Variants in SRGAP3 observed in about 807,000 individuals in gnomAD.
The protein encoded by SRGAP3 is SLIT-ROBO Rho GTPase-activating protein 3.
In SRGAP3, 39 loss-of-function variants were observed where a neutral mutation model predicts 121.1. The ratio of observed to expected loss-of-function variants is 0.32; its 90% confidence interval spans 0.25 to 0.42. SRGAP3 has a LOEUF of 0.42. Among genes scored for constraint, SRGAP3 ranks in the 10% least tolerant of loss-of-function variants. The pLI, the probability that SRGAP3 is intolerant of heterozygous loss-of-function variation, is 1.00. For synonymous variants in SRGAP3, 601 were observed against 570.0 expected, an observed-to-expected ratio of 1.05 and a Z score of -0.77; for missense variants, 1,213 against 1,470.6, an observed-to-expected ratio of 0.82 and a Z score of 2.86.
At chr3:9,260,280 T>C (rs1044545760) in intron 3 of SRGAP3, among the ~76,000 whole-genome samples, 2 of 151,942 alleles carry the variant, frequency 1.3e-5, no homozygotes, top group Non-Finnish European at 2.9e-5. Flanking sequence ...CAGTGGTGCC[T>C]GGAATGCCAG....
intron 11 of SRGAP3, chr3:9,033,437 T>C (rs1393520046): frequency 6.6e-6 from 1 of 152,344 alleles, no homozygotes; most frequent in Non-Finnish European, 1.5e-5. Context: ...TTTTCCTTTT[T>C]CTTTGAGACG....
At chr3:9,228,462 G>A (rs1167863493) in intron 1 of SRGAP3, among the ~76,000 whole-genome samples, 1 of 152,342 alleles carries the variant, frequency 6.6e-6, no homozygotes, top group Non-Finnish European at 1.5e-5. Context: ...AGAAAAAAAA[G>A]TAAGTTGAAT....
At chr3:9,035,331 G>T (rs1192695842) in intron 11 of SRGAP3, 2 of 163,458 alleles carry the variant, frequency 1.2e-5, no homozygotes, top group African/African-American at 4.8e-5. Flanking sequence ...TGGAAAAAAG[G>T]GGAAATAGCA....
At chr3:9,064,251 G>A (rs1254141234) in intron 5 of SRGAP3, 145 bp downstream of exon 5, 4 of 1,071,466 alleles carry the variant, frequency 3.7e-6, no homozygotes, top group African/African-American at 1.6e-5. Flanking sequence ...GGAGATGCTG[G>A]CTACATTGTC....
chr3:9,337,115 G>C (rs897748011), intron 1 of SRGAP3, among the ~76,000 whole-genome samples: 1 of 152,194 alleles, frequency 6.6e-6, no homozygotes, highest in East Asian at 1.9e-4. Context: ...TGATGTCCCA[G>C]TTCAAAGTCA....
At chr3:9,187,395 G>A (rs150492526) in intron 1 of SRGAP3, among the ~76,000 whole-genome samples, 19 of 152,206 alleles carry the variant, frequency 1.2e-4, no homozygotes, top group African/African-American at 4.3e-4. Flanking sequence ...GCAAGTCGGG[G>A]AGAACTGTAC....
At chr3:9,032,584 G>A in intron 12 of SRGAP3, 66 bp downstream of exon 12, 7 of 1,416,156 alleles carry the variant, frequency 4.9e-6, no homozygotes, top group Non-Finnish European at 4.9e-6. Context: ...TGGCAGGGAG[G>A]CGGGCGGACA....
At chr3:9,101,185 T>A (rs766954936) in intron 3 of SRGAP3, among the ~76,000 whole-genome samples, 1 of 152,244 alleles carries the variant, frequency 6.6e-6, no homozygotes, top group African/African-American at 2.4e-5. Context: ...TTGAGGGACA[T>A]CTAGCAGAGG....
In SRGAP3 at chr3:9,141,602, G is replaced by GTGTGTGTA. The variant is rs1949855588; in HGVS notation, c.68-16686_68-16685insTACACACA. On this transcript the variant is annotated intron_variant, in intron 1 of 21. Transcript: ENST00000383836. ...TGTGTGTGTGTGTGTGTGTGTGTGT[G>GTGTGTGTA]TTCTTTTCTTTTTAACCTTGTAAGA... 3.2e-5 allele frequency among the ~76,000 whole-genome samples: 4 copies of GTGTGTGTA among 123,728 alleles called. No individual in the cohort carries two copies. In the South Asian group the frequency reaches 8.0e-4, roughly 25 times the overall value. The allele number at this position is 123,728 out of a possible 152,430, so 81.2% of individuals were successfully genotyped here. A position where few individuals can be genotyped will look rare whatever the true frequency, so the allele number is the denominator to read the frequency against.
chr3:9,175,337 G>A (rs1951139487), intron 1 of SRGAP3, among the ~76,000 whole-genome samples: 1 of 152,198 alleles, frequency 6.6e-6, no homozygotes, highest in South Asian at 2.1e-4. Flanking sequence ...TAGACGACGG[G>A]TGTCCTACGA....
rs1461981875 is a variant in SRGAP3, at chr3:9,126,640, ACT to A, written c.68-1725_68-1724del. Among the ~76,000 whole-genome samples, 629 of 145,396 alleles carry A rather than the reference ACT, an allele frequency of 4.3e-3. 2 individuals carry two copies. The highest frequency in any genetic ancestry group is 0.01 in the Middle Eastern group (3 of 286). ...CAAAAACTAACTAACTAACTAACTAACTAACTAAATAAATAAATAAATAAATA... is the reference window on the plus strand; with the variant it reads ...CAAAAACTAACTAACTAACTAACTAAAACTAAATAAATAAATAAATAAATA... On this transcript the variant is annotated intron_variant, in intron 1 of 21. Transcript: ENST00000383836.
At chr3:9,222,801 C>T (rs979202178) in intron 1 of SRGAP3, among the ~76,000 whole-genome samples, 10 of 152,222 alleles carry the variant, frequency 6.6e-5, no homozygotes, top group Admixed American at 5.9e-4. Flanking sequence ...AGCAGACACT[C>T]AGAGCATTTT....
At chr3:9,313,599 C>G (rs571320923) in intron 3 of SRGAP3, among the ~76,000 whole-genome samples, 2 of 151,886 alleles carry the variant, frequency 1.3e-5, no homozygotes, top group African/African-American at 4.8e-5. Flanking sequence ...ATTGCTTGAA[C>G]CTGGGAGGCA....
At chr3:9,064,875 A>C (rs1946353721) in intron 4 of SRGAP3, among the ~76,000 whole-genome samples, 1 of 151,538 alleles carries the variant, frequency 6.6e-6, no homozygotes, top group African/African-American at 2.4e-5. Flanking sequence ...AAATAAATAA[A>C]TAAATAAATA....
At chr3:9,055,342 A>G (rs79480977) in intron 8 of SRGAP3, among the ~76,000 whole-genome samples, 3,326 of 152,320 alleles carry the variant, frequency 0.022, 37 homozygotes, top group Non-Finnish European at 0.034. Flanking sequence ...CACTTTAAAG[A>G]ATAAACCTGC....
chr3:9,321,846 G>A (rs1336489552), intron 3 of SRGAP3, among the ~76,000 whole-genome samples: 1 of 151,480 alleles, frequency 6.6e-6, no homozygotes, highest in Non-Finnish European at 1.5e-5. Flanking sequence ...GAGAGGATCA[G>A]AAAAAATTTT....
intron 10 of SRGAP3, among the ~76,000 whole-genome samples, chr3:9,044,771 C>T (rs921256021): frequency 6.6e-6 from 1 of 152,172 alleles, no homozygotes; most frequent in East Asian, 1.9e-4. Flanking sequence ...CACCAGTTGA[C>T]ACTAAGAAGG....
chr3:9,355,744 T>C (rs751410720), intron 1 of SRGAP3: 2 of 152,244 alleles, frequency 1.3e-5, no homozygotes, highest in Admixed American at 1.3e-4. Context: ...TTCTGTATTA[T>C]CTGTTTCTTC....
Position 9,142,829 on chromosome 3 carries a change from C to CTTT in SRGAP3, c.68-17915_68-17913dup, listed in dbSNP as rs397795766. Among the ~76,000 whole-genome samples, 52 of 90,864 alleles carry CTTT rather than the reference C, an allele frequency of 5.7e-4. 5 individuals are homozygous for CTTT. Among genetic ancestry groups the CTTT allele is most frequent in the Middle Eastern group, 0.02 (2 of 98 alleles). The allele number at this position is 90,864 out of a possible 152,430, so 59.6% of individuals were successfully genotyped here. ...GTCAACCAAGTTGGTGGGCAATTTC[C>CTTT]TTTTTTTTTTTTTTTTTTTTTTTGA... is the stretch of plus-strand genomic sequence containing the variant. On this transcript the variant is annotated intron_variant, in intron 1 of 21. Transcript: ENST00000383836.
Sources: gnomAD v4.1 joint callset for allele counts (sites outside exome capture counted in the v4.1 genomes callset) on GRCh38, gnomAD v4.1.1 for gene constraint, MANE v1.5 for transcripts, NCBI Gene and HGNC (gene_info 2026-07-23, HGNC 2026-07-21) for gene names.